KCNH7: variants seen among roughly 807,000 people sequenced by gnomAD.
The protein encoded by KCNH7 is potassium voltage-gated channel subfamily H member 7.
KCNH7 carries 49 observed loss-of-function variants against 120.8 expected under a neutral mutation model. That is an observed-to-expected ratio of 0.41 (90% CI 0.32 to 0.51). The LOEUF is 0.51. KCNH7 is among the 20% of genes least tolerant of loss of function. The pLI is 0.38. For synonymous variants in KCNH7, 547 were observed against 516.1 expected (o/e 1.06, Z -0.81); for missense variants, 1,097 against 1,446.6 (o/e 0.76, Z 3.92).
intron 2 of KCNH7, among the ~76,000 whole-genome samples, chr2:162,681,259 G>A (rs10206323): frequency 0.011 from 1,722 of 151,828 alleles, 31 homozygotes; most frequent in African/African-American, 0.039. Flanking sequence ...AAAAAGCAGT[G>A]TATGTCAAGT....
At chr2:162,513,218 C>T (rs538761439) in intron 4 of KCNH7, among the ~76,000 whole-genome samples, 212 of 122,874 alleles carry the variant, frequency 1.7e-3, no homozygotes, top group African/African-American at 6.1e-3. Flanking sequence ...CCCTTCCCTC[C>T]TTCCCTCCTG....
intron 2 of KCNH7, among the ~76,000 whole-genome samples, chr2:162,545,038 C>G (rs562825016): frequency 1.3e-5 from 2 of 152,024 alleles, no homozygotes; most frequent in African/African-American, 4.8e-5. Context: ...CAGGAGAAAA[C>G]CTTATCTCAG....
At chr2:162,598,636 T>C (rs1357728780) in intron 2 of KCNH7, among the ~76,000 whole-genome samples, 1 of 152,128 alleles carries the variant, frequency 6.6e-6, no homozygotes, top group Admixed American at 6.6e-5. Context: ...TGTGTAACCA[T>C]CACTCCTGTA....
rs1165989866 is a variant in KCNH7 at position 162,710,232 on chromosome 2, T to C, written c.307+126305A>G. Among the ~76,000 whole-genome samples the C allele has an allele frequency of 2.6e-5, 4 of 152,174 alleles. No homozygotes were observed. The South Asian group carries it at 8.3e-4, about 31-fold the overall frequency. On this transcript the variant is annotated intron_variant, in intron 2 of 15. Transcript: ENST00000332142. ...CAGAATTAGCCAGACAAATCTTTTA[T>C]AGACCCTGAAGCACTAAAATGAATG... is the stretch of plus-strand genomic sequence containing the variant.
At chr2:162,556,480 G>A (rs137911451) in intron 2 of KCNH7, among the ~76,000 whole-genome samples, 19 of 152,204 alleles carry the variant, frequency 1.2e-4, no homozygotes, top group African/African-American at 4.6e-4. Context: ...TTAATACCTA[G>A]TATGTATTAC....
intron 2 of KCNH7, among the ~76,000 whole-genome samples, chr2:162,710,519 C>A (rs1380706465): frequency 3.3e-5 from 5 of 152,160 alleles, no homozygotes; most frequent in African/African-American, 1.2e-4. Context: ...TCAGAAAGTG[C>A]AAGCAAGTTA....
chr2:162,619,260 G>C (rs963544), intron 2 of KCNH7, among the ~76,000 whole-genome samples: 96,035 of 151,788 alleles, frequency 0.63, 31,819 homozygotes, highest in African/African-American at 0.83. Context: ...AATAAAAAAG[G>C]CTTGAATAGA....
intron 2 of KCNH7, among the ~76,000 whole-genome samples, chr2:162,765,711 T>A (rs2105460371): frequency 6.6e-6 from 1 of 152,330 alleles, no homozygotes; most frequent in South Asian, 2.1e-4. Flanking sequence ...ATACAATAAA[T>A]GAATGAATTT....
intron 2 of KCNH7, among the ~76,000 whole-genome samples, chr2:162,776,962 C>T (rs1451143002): frequency 2.0e-5 from 3 of 152,132 alleles, no homozygotes; most frequent in Non-Finnish European, 4.4e-5. Flanking sequence ...TTCTTCTTCA[C>T]TCTTTCCCTG....
intron 5 of KCNH7, among the ~76,000 whole-genome samples, chr2:162,507,384 A>G (rs768311199): frequency 2.0e-5 from 3 of 151,664 alleles, no homozygotes; most frequent in Non-Finnish European, 4.4e-5. Context: ...ATGTATGTAA[A>G]ATGATATCAT....
At chr2:162,424,412 G>C (rs2105493307) in intron 8 of KCNH7, among the ~76,000 whole-genome samples, 1 of 152,118 alleles carries the variant, frequency 6.6e-6, no homozygotes, top group Admixed American at 6.5e-5. Context: ...AAAAATAAAT[G>C]CTATTCTCTG....
chr2:162,565,110 C>A (rs1214655893), intron 2 of KCNH7, among the ~76,000 whole-genome samples: 2 of 152,062 alleles, frequency 1.3e-5, no homozygotes, highest in African/African-American at 4.8e-5. Flanking sequence ...TGTCTATCTG[C>A]TGGGCTGGCA....
intron 2 of KCNH7, among the ~76,000 whole-genome samples, chr2:162,666,076 C>T (rs1685123290): frequency 6.6e-6 from 1 of 152,042 alleles, no homozygotes; most frequent in Admixed American, 6.6e-5. Context: ...TCAAGGACAT[C>T]CTTTCATGAA....
At chr2:162,384,230 T>A (rs1686508843) in intron 13 of KCNH7, among the ~76,000 whole-genome samples, 2 of 151,986 alleles carry the variant, frequency 1.3e-5, no homozygotes, top group South Asian at 4.1e-4. Flanking sequence ...CTCCACTCTT[T>A]CTCATATTCT....
chr2:162,833,286 AT>A (rs980960943), intron 2 of KCNH7, among the ~76,000 whole-genome samples: 11 of 35,712 alleles, frequency 3.1e-4, no homozygotes, highest in Non-Finnish European at 3.9e-4. Flanking sequence ...TAACTAAAAT[AT>A]TTTTTTTTTC....
intron 10 of KCNH7, among the ~76,000 whole-genome samples, chr2:162,398,409 C>T (rs1324583106): frequency 6.6e-6 from 1 of 151,802 alleles, no homozygotes; most frequent in Non-Finnish European, 1.5e-5. Context: ...ACATTAACCA[C>T]AGTTTAAATA....
intron 2 of KCNH7, among the ~76,000 whole-genome samples, chr2:162,648,642 T>A (rs1373614032): frequency 1.3e-5 from 2 of 152,150 alleles, no homozygotes; most frequent in Admixed American, 1.3e-4. Flanking sequence ...CCAATCCATA[T>A]CTTACTTTTT....
chr2:162,402,106 C>T (rs1687078581), intron 9 of KCNH7, among the ~76,000 whole-genome samples: 1 of 151,360 alleles, frequency 6.6e-6, no homozygotes, highest in African/African-American at 2.4e-5. Context: ...AACTGTTGGG[C>T]TTGGTCTACA....
intron 2 of KCNH7, among the ~76,000 whole-genome samples, chr2:162,577,398 CATCTATCTATCT>C (rs1046599944): frequency 2.7e-5 from 2 of 75,022 alleles, no homozygotes; most frequent in Non-Finnish European, 5.5e-5. Context: ...TCTATCTATC[CATCTATCTATCT>C]ATCTATTCAT....
Sources: gnomAD v4.1 joint callset for allele counts (sites outside exome capture counted in the v4.1 genomes callset) on GRCh38, gnomAD v4.1.1 for gene constraint, MANE v1.5 for transcripts, NCBI Gene and HGNC (gene_info 2026-07-23, HGNC 2026-07-21) for gene names.